TAFA4: variants seen among roughly 807,000 people sequenced by gnomAD.
The protein encoded by TAFA4 is chemokine-like protein TAFA-4.
In TAFA4, 20 loss-of-function variants were observed where a neutral mutation model predicts 21.1. The observed-to-expected ratio is 0.95, with a 90% confidence interval of 0.67 to 1.38. The LOEUF (loss-of-function observed/expected upper bound fraction) is 1.38, where lower values mean the gene tolerates loss of function less well. Among genes scored for constraint, TAFA4 ranks in the 40% most tolerant of loss-of-function variants. TAFA4 has a pLI of 0.00. For missense variants in TAFA4, 211 were observed against 180.9 expected, an observed-to-expected ratio of 1.17 and a Z score of -0.95; for synonymous variants, 71 against 67.4, an observed-to-expected ratio of 1.05 and a Z score of -0.26.
At chr3:68,862,058 G>C (rs1185116509) in intron 3 of TAFA4, among the ~76,000 whole-genome samples, 2 of 151,838 alleles carry the variant, frequency 1.3e-5, no homozygotes, top group African/African-American at 4.8e-5. Context: ...GTAAGCTGGT[G>C]AACTTGAGGT....
At chr3:68,780,587 C>A (rs548408644) in intron 3 of TAFA4, among the ~76,000 whole-genome samples, 1 of 152,332 alleles carries the variant, frequency 6.6e-6, no homozygotes, top group African/African-American at 2.4e-5. Flanking sequence ...CTGCTGCCAT[C>A]AGTGTAAAAT....
intron 1 of TAFA4, among the ~76,000 whole-genome samples, chr3:68,907,647 G>A (rs1260617996): frequency 6.6e-6 from 1 of 152,172 alleles, no homozygotes; most frequent in Non-Finnish European, 1.5e-5. Flanking sequence ...TCAGGGAAGT[G>A]AGATCCAAAA....
intron 1 of TAFA4, among the ~76,000 whole-genome samples, chr3:68,903,766 A>T (rs1305515529): frequency 6.6e-6 from 1 of 152,152 alleles, no homozygotes; most frequent in Admixed American, 6.5e-5. Context: ...ATGTGTTTTT[A>T]AAACATTATT....
At chr3:68,907,341 T>A (rs1032665062) in intron 1 of TAFA4, among the ~76,000 whole-genome samples, 3 of 152,208 alleles carry the variant, frequency 2.0e-5, no homozygotes, top group African/African-American at 7.2e-5. Context: ...TAAAGTCCCC[T>A]GCTTTGGAGA....
intron 3 of TAFA4, among the ~76,000 whole-genome samples, chr3:68,776,414 T>C (rs1198063381): frequency 1.3e-5 from 2 of 152,266 alleles, no homozygotes; most frequent in Non-Finnish European, 1.5e-5. Flanking sequence ...GGCATTATCA[T>C]GGATAAAGAG....
At chr3:68,862,393 T>C (rs1427580549) in intron 3 of TAFA4, among the ~76,000 whole-genome samples, 1 of 152,180 alleles carries the variant, frequency 6.6e-6, no homozygotes, top group Non-Finnish European at 1.5e-5. Context: ...ATAGGGTGAT[T>C]GCGGGTAGAC....
At chr3:68,903,241 G>A (rs576549181) in intron 1 of TAFA4, among the ~76,000 whole-genome samples, 6 of 152,186 alleles carry the variant, frequency 3.9e-5, no homozygotes, top group South Asian at 2.1e-4. Flanking sequence ...TGCCAGCCTC[G>A]AGAATGGGAT....
At chr3:68,826,141 C>G (rs781187136) in intron 3 of TAFA4, among the ~76,000 whole-genome samples, 1 of 152,092 alleles carries the variant, frequency 6.6e-6, no homozygotes. Context: ...TTATTTGCTC[C>G]GAAGGGAGAA....
At position 68,819,450 on chromosome 3, in the gene TAFA4, A is replaced by C. The variant is rs1575623356; in HGVS notation, c.130+61280T>G. Among the ~76,000 whole-genome samples, 6 of 152,240 alleles carry C rather than the reference A, an allele frequency of 3.9e-5. No individual in the cohort carries two copies. In the South Asian group the frequency reaches 1.2e-3, roughly 32 times the overall value. On this transcript the variant is annotated intron_variant, in intron 3 of 5. Transcript: ENST00000295569. The stretch of plus-strand genomic sequence containing the variant: ...CTTATCTTGTTTCTAATCTTAGAGG[A>C]AAAGCTTTCAACCTTTCACCATTGA...
chr3:68,904,569 T>C (rs1341757448), intron 1 of TAFA4, among the ~76,000 whole-genome samples: 5 of 152,144 alleles, frequency 3.3e-5, no homozygotes, highest in Non-Finnish European at 7.4e-5. Flanking sequence ...GAAGTGAAAT[T>C]ATCAATATGA....
chr3:68,853,353 T>G (rs960561915), intron 3 of TAFA4, among the ~76,000 whole-genome samples: 2 of 152,172 alleles, frequency 1.3e-5, no homozygotes, highest in Non-Finnish European at 2.9e-5. Flanking sequence ...TTCCTTCCCT[T>G]ACCTTCAAAT....
At chr3:68,821,760 T>C (rs980776971) in intron 3 of TAFA4, among the ~76,000 whole-genome samples, 2 of 152,148 alleles carry the variant, frequency 1.3e-5, no homozygotes, top group Non-Finnish European at 2.9e-5. Flanking sequence ...GAAGGGTGCA[T>C]TCCCAAGTAC....
intron 3 of TAFA4, among the ~76,000 whole-genome samples, chr3:68,868,059 T>C (rs1031562350): frequency 6.6e-6 from 1 of 151,984 alleles, no homozygotes; most frequent in African/African-American, 2.4e-5. Context: ...AGTGGCTGAG[T>C]AGATTTTTGA....
intron 2 of TAFA4, among the ~76,000 whole-genome samples, chr3:68,884,291 TG>T (rs1383843091): frequency 6.6e-6 from 1 of 152,158 alleles, no homozygotes; most frequent in East Asian, 1.9e-4. Context: ...ACGCAACAGC[TG>T]GAGCCTGGAG....
chr3:68,773,540 T>TGGGTAGAG (rs1702996686), intron 3 of TAFA4, among the ~76,000 whole-genome samples: 1 of 152,144 alleles, frequency 6.6e-6, no homozygotes, highest in African/African-American at 2.4e-5. Flanking sequence ...ATGCAGACAC[T>TGGGTAGAG]GGAAGTTCCA....
chr3:68,899,355 G>T (rs1341305207), intron 1 of TAFA4, among the ~76,000 whole-genome samples: 1 of 150,982 alleles, frequency 6.6e-6, no homozygotes, highest in Non-Finnish European at 1.5e-5. Context: ...CAGGCACACT[G>T]GTATAACCAA....
At chr3:68,926,761 A>G (rs1243914456) in intron 1 of TAFA4, among the ~76,000 whole-genome samples, 1 of 152,020 alleles carries the variant, frequency 6.6e-6, no homozygotes, top group East Asian at 1.9e-4. Flanking sequence ...AAATACAAAG[A>G]TTAGCCAGGC....
At chr3:68,883,675 T>C (rs1452698697) in intron 2 of TAFA4, among the ~76,000 whole-genome samples, 6 of 152,208 alleles carry the variant, frequency 3.9e-5, no homozygotes, top group Non-Finnish European at 5.9e-5. Flanking sequence ...AATTTGATCA[T>C]GTATGTCAAA....
intron 1 of TAFA4, among the ~76,000 whole-genome samples, chr3:68,917,399 T>C (rs2090013169): frequency 1.3e-5 from 2 of 152,044 alleles, no homozygotes; most frequent in Non-Finnish European, 2.9e-5. Context: ...TTCTACATCA[T>C]CCAAGCTCAA....
Sources: allele counts gnomAD v4.1 joint callset (sites outside exome capture counted in the v4.1 genomes callset), GRCh38; gene constraint gnomAD v4.1.1; transcripts MANE v1.5; gene names NCBI Gene and HGNC (gene_info 2026-07-23, HGNC 2026-07-21).